ARB2A: variants seen among roughly 807,000 people sequenced by gnomAD.
ARB2A encodes the protein ARB2 cotranscriptional regulator A.
chr5:93,996,207 A>G, the ARB2A span, among the ~76,000 whole-genome samples: 1 of 152,118 alleles, frequency 6.6e-6, no homozygotes, highest in African/African-American at 2.4e-5. Flanking sequence ...CTACCTAAAT[A>G]TATACATACA....
the ARB2A span, among the ~76,000 whole-genome samples, chr5:94,013,786 T>G: frequency 2.0e-5 from 3 of 152,098 alleles, no homozygotes; most frequent in Non-Finnish European, 4.4e-5. Context: ...TACACAGCAC[T>G]GAGATTATCA....
At chr5:93,784,705 AT>A in the ARB2A span, among the ~76,000 whole-genome samples, 2 of 152,306 alleles carry the variant, frequency 1.3e-5, no homozygotes, top group African/African-American at 4.8e-5. Flanking sequence ...ATTTAAAAAA[AT>A]ACCACTTAAG....
At chr5:93,990,508 T>C in the ARB2A span, among the ~76,000 whole-genome samples, 1 of 151,568 alleles carries the variant, frequency 6.6e-6, no homozygotes, top group Non-Finnish European at 1.5e-5. Context: ...GGAACTACTA[T>C]TGTAAGAAAG....
chr5:93,640,098 A>C, the ARB2A span, among the ~76,000 whole-genome samples: 1 of 151,514 alleles, frequency 6.6e-6, no homozygotes, highest in Non-Finnish European at 1.5e-5. Context: ...ATTTATGAAA[A>C]AAATTGAACA....
chr5:93,771,275 C>T, the ARB2A span, among the ~76,000 whole-genome samples: 3 of 151,618 alleles, frequency 2.0e-5, no homozygotes. Flanking sequence ...AAACTGGATC[C>T]CTTCCTTACA....
chr5:94,093,409 G>A, the ARB2A span, among the ~76,000 whole-genome samples: 1 of 152,276 alleles, frequency 6.6e-6, no homozygotes, highest in Admixed American at 6.5e-5. Context: ...AGTTTCTGGT[G>A]AAGGCTCTCT....
chr5:94,055,874 A>G, the ARB2A span: 7 of 985,456 alleles, frequency 7.1e-6, no homozygotes, highest in Non-Finnish European at 8.4e-6. Context: ...CTTGCTTCTA[A>G]CAGCTCTTTT....
the ARB2A span, among the ~76,000 whole-genome samples, chr5:93,898,962 T>C: frequency 6.6e-6 from 1 of 152,090 alleles, no homozygotes; most frequent in Admixed American, 6.6e-5. Flanking sequence ...AGTAAATAAA[T>C]GGTAGAAATG....
the ARB2A span, among the ~76,000 whole-genome samples, chr5:93,958,141 A>T: frequency 3.3e-3 from 504 of 152,192 alleles, no homozygotes; most frequent in Non-Finnish European, 4.8e-3. Flanking sequence ...CCTTGAACAC[A>T]ATTTAAAAAT....
chr5:93,754,468 C>T, the ARB2A span, among the ~76,000 whole-genome samples: 3 of 152,150 alleles, frequency 2.0e-5, no homozygotes, highest in African/African-American at 7.2e-5. Flanking sequence ...TTAGGGAGCA[C>T]ATTTGGAGGG....
chr5:93,986,415 C>T, the ARB2A span, among the ~76,000 whole-genome samples: 5 of 151,178 alleles, frequency 3.3e-5, no homozygotes, highest in African/African-American at 9.7e-5. Context: ...GGGGGCGCCT[C>T]TGCCCGGCTG....
At chr5:94,091,473 T>C in the ARB2A span, among the ~76,000 whole-genome samples, 1 of 152,194 alleles carries the variant, frequency 6.6e-6, no homozygotes, top group African/African-American at 2.4e-5. Flanking sequence ...AGATCATTAA[T>C]GCTTCAAGGC....
the ARB2A span, among the ~76,000 whole-genome samples, chr5:93,876,631 G>C: frequency 3.3e-5 from 5 of 150,398 alleles, no homozygotes; most frequent in African/African-American, 9.8e-5. Context: ...AATTTGAAAG[G>C]AGACTGGCTA....
the ARB2A span, among the ~76,000 whole-genome samples, chr5:93,957,768 G>T: frequency 7.9e-5 from 12 of 152,010 alleles, no homozygotes; most frequent in Middle Eastern, 3.2e-3. Context: ...TAACAGAATA[G>T]AGAACATGTT....
At chr5:94,056,226 T>C in the ARB2A span, among the ~76,000 whole-genome samples, 1 of 152,242 alleles carries the variant, frequency 6.6e-6, no homozygotes, top group South Asian at 2.1e-4. Context: ...TAAACAGTTA[T>C]GAATACAAAA....
At chr5:94,040,585 T>A in the ARB2A span, among the ~76,000 whole-genome samples, 1 of 146,484 alleles carries the variant, frequency 6.8e-6, no homozygotes, top group Admixed American at 6.8e-5. Context: ...TTCCCACCTA[T>A]GAGTGAGAAC....
the ARB2A span, among the ~76,000 whole-genome samples, chr5:93,690,720 C>T: frequency 6.6e-6 from 1 of 152,158 alleles, no homozygotes; most frequent in Non-Finnish European, 1.5e-5. Flanking sequence ...GACAGACTAC[C>T]TCCTCAAGTG....
At chr5:93,718,036 T>C in the ARB2A span, among the ~76,000 whole-genome samples, 1 of 146,414 alleles carries the variant, frequency 6.8e-6, no homozygotes, top group Non-Finnish European at 1.5e-5. Context: ...GGTTTCACCA[T>C]GTTGGTCAGG....
At chr5:93,986,655 T>C in the ARB2A span, among the ~76,000 whole-genome samples, 1 of 152,200 alleles carries the variant, frequency 6.6e-6, no homozygotes, top group Non-Finnish European at 1.5e-5. Context: ...GGAGACTCCA[T>C]TTTGTTCTGT....
Sources: gnomAD v4.1 joint callset for allele counts (sites outside exome capture counted in the v4.1 genomes callset) on GRCh38, gnomAD v4.1.1 for gene constraint, MANE v1.5 for transcripts, NCBI Gene and HGNC (gene_info 2026-07-23, HGNC 2026-07-21) for gene names.